The following MYBL2 variants were observed in gnomAD, a reference collection of about 807,000 sequenced individuals.
MYBL2 encodes the protein myb-related protein B.
In MYBL2, 28 loss-of-function variants were observed where a neutral mutation model predicts 79.9. The observed-to-expected ratio is 0.35, with a 90% confidence interval of 0.26 to 0.48. The LOEUF (loss-of-function observed/expected upper bound fraction) is 0.48. Among genes scored for constraint, MYBL2 ranks in the 20% least tolerant of loss-of-function variants. The pLI, the probability that MYBL2 is intolerant of heterozygous loss-of-function variation, is 0.99. For synonymous variants in MYBL2, 378 were observed against 361.2 expected, an observed-to-expected ratio of 1.05 and a Z score of -0.53; for missense variants, 735 against 893.9, an observed-to-expected ratio of 0.82 and a Z score of 2.27.
intron 1 of MYBL2, among the ~76,000 whole-genome samples, chr20:43,667,666 C>T (rs141254779): frequency 8.1e-4 from 124 of 152,254 alleles, no homozygotes; most frequent in African/African-American, 2.6e-3. Context: ...GCGAGGGAGG[C>T]GACCCCTGGG....
chr20:43,710,869 A>G (rs1341653409), intron 10 of MYBL2, among the ~76,000 whole-genome samples: 2 of 152,194 alleles, frequency 1.3e-5, no homozygotes, highest in Non-Finnish European at 2.9e-5. Flanking sequence ...CCTCTGTACT[A>G]AAATATCTGC....
intron 2 of MYBL2, among the ~76,000 whole-genome samples, chr20:43,680,523 ACT>A (rs1447089774): frequency 1.3e-5 from 2 of 151,688 alleles, no homozygotes; most frequent in Non-Finnish European, 2.9e-5. Context: ...ATGGAGTCTC[ACT>A]CTTGCTCTGT....
rs1366337954 is a variant in MYBL2, at chr20:43,672,115, G to A, written c.21-1691G>A. Among the ~76,000 whole-genome samples, 9 of 152,024 alleles carry A rather than the reference G, an allele frequency of 5.9e-5. 1 individual carries two copies. The highest frequency in any genetic ancestry group is 7.4e-5 in the Non-Finnish European group (5 of 68,014). On this transcript the variant is annotated intron_variant, in intron 1 of 13. Transcript: ENST00000217026. ...AATCTCAGCTACTCAGGAGGCTGAG[G>A]CAGGAGAATCGCCTGAACCTGGGGG... is the stretch of plus-strand genomic sequence containing the variant.
At chr20:43,686,260 C>T (rs1175655241) in intron 4 of MYBL2, among the ~76,000 whole-genome samples, 2 of 152,116 alleles carry the variant, frequency 1.3e-5, no homozygotes, top group Non-Finnish European at 1.5e-5. Context: ...CCTGGCCTGG[C>T]TCTTGTGGCT....
chr20:43,677,624 C>T (rs964138325), intron 2 of MYBL2, among the ~76,000 whole-genome samples: 2 of 151,930 alleles, frequency 1.3e-5, no homozygotes, highest in African/African-American at 2.4e-5. Context: ...CCGGCCACCC[C>T]TACTGGGAAG....
chr20:43,710,997 A>G (rs1314671025), intron 10 of MYBL2, among the ~76,000 whole-genome samples: 4 of 152,162 alleles, frequency 2.6e-5, no homozygotes, highest in African/African-American at 7.2e-5. Context: ...TTTCACTCTT[A>G]GTAGCACTCG....
chr20:43,690,936 G>A (rs954664638), intron 5 of MYBL2, among the ~76,000 whole-genome samples: 2 of 152,116 alleles, frequency 1.3e-5, no homozygotes, highest in African/African-American at 2.4e-5. Flanking sequence ...GTACTATCCC[G>A]TCCTTCTGTA....
intron 5 of MYBL2, among the ~76,000 whole-genome samples, chr20:43,688,446 C>T (rs1158868497): frequency 6.6e-6 from 1 of 152,068 alleles, no homozygotes; most frequent in Non-Finnish European, 1.5e-5. Context: ...CTGCCCACCT[C>T]AGCCTCACAA....
At chr20:43,702,059 G>A (rs556560490) in intron 7 of MYBL2, among the ~76,000 whole-genome samples, 90 of 152,146 alleles carry the variant, frequency 5.9e-4, no homozygotes, top group Non-Finnish European at 1.1e-3. Flanking sequence ...CCCGGAAGGC[G>A]GAGGTTGCAG....
At chr20:43,685,577 G>GT (rs1189791324) in intron 4 of MYBL2, among the ~76,000 whole-genome samples, 2 of 152,104 alleles carry the variant, frequency 1.3e-5, no homozygotes, top group African/African-American at 2.4e-5. Flanking sequence ...GGCCAACATG[G>GT]TGAAACCCTG....
rs1435842596 is a variant in MYBL2 at position 43,709,944 on chromosome 20, C to G, written c.1506-19C>G. The G allele has an allele frequency of 1.3e-6, 2 of 1,582,534 alleles. No individual in the cohort carries two copies. Among genetic ancestry groups the G allele is most frequent in the Non-Finnish European group, 1.7e-6 (2 of 1,159,406 alleles). On this transcript the variant is annotated intron_variant, in intron 9 of 13. Transcript: ENST00000217026. ...GGCCCCTATCCTGTCACTAGTTCCC[C>G]CGTTCTGGCCCCTGGCAGGTTTGTA...
chr20:43,703,996 A>G (rs1987726838), intron 8 of MYBL2, among the ~76,000 whole-genome samples: 1 of 152,106 alleles, frequency 6.6e-6, no homozygotes, highest in African/African-American at 2.4e-5. Context: ...TTATTGGATT[A>G]GGGCCCACTC....
rs183493952 is a variant in MYBL2 at position 43,708,947 on chromosome 20, G to A, written c.1506-1016G>A. On this transcript the variant is annotated intron_variant, in intron 9 of 13. Coordinates refer to ENST00000217026, the MANE Select transcript of MYBL2 (RefSeq NM_002466.4). ...AGGGGGATCTCTGTGTGTCCCAGATGGGGGATAACAAGGGTTTGGGAAGAG... is the reference window on the plus strand; with the variant it reads ...AGGGGGATCTCTGTGTGTCCCAGATAGGGGATAACAAGGGTTTGGGAAGAG... 6.7e-3 allele frequency among the ~76,000 whole-genome samples: 1,021 copies of A among 152,322 alleles called. 9 individuals carry two copies. Among genetic ancestry groups the A allele is most frequent in the South Asian group, 0.021 (101 of 4,820 alleles).
intron 2 of MYBL2, among the ~76,000 whole-genome samples, chr20:43,679,906 C>A (rs1987104083): frequency 2.5e-5 from 2 of 79,166 alleles, no homozygotes; most frequent in South Asian, 4.9e-4. Context: ...AAGAGAGACC[C>A]TATCTCAAAA....
chr20:43,712,367 C>T (rs1987927057), intron 11 of MYBL2, among the ~76,000 whole-genome samples: 1 of 152,180 alleles, frequency 6.6e-6, no homozygotes, highest in African/African-American at 2.4e-5. Flanking sequence ...GCTGGCACCC[C>T]ATGTGCACGT....
chr20:43,673,816 G>A lies in MYBL2; in HGVS notation c.31G>A (p.Asp11Asn), dbSNP rs959597219. Residue 11 changes from aspartate (D) to asparagine (N), a missense_variant, in exon 2 of 14, where the codon GAT (aspartate) becomes AAT (asparagine). By Grantham distance (23) the Asp-to-Asn change is conservative (BLOSUM62 1). This residue lies in a region of MYBL2 where 79 missense variants were observed against 86.7 expected (regional missense o/e 0.91). Transcript: ENST00000217026. MSRRTRCEDL[D>N]ELHYQDTDSD... ...CTGCTTTCCCCATAGCGAGGATCTG[G>A]ATGAGCTGCACTACCAGGACACAGA... 1.3e-6 allele frequency: 2 copies of A among 1,565,210 alleles called. No individual in the cohort carries two copies. Among genetic ancestry groups the A allele is most frequent in the African/African-American group, 1.4e-5 (1 of 73,622 alleles).
intron 12 of MYBL2, among the ~76,000 whole-genome samples, chr20:43,714,811 A>T (rs1987990341): frequency 6.6e-6 from 1 of 152,126 alleles, no homozygotes; most frequent in Non-Finnish European, 1.5e-5. Flanking sequence ...TTGTGTTTTT[A>T]GTAGAGACGG....
In MYBL2 at chr20:43,711,749, G is replaced by A. The variant is rs1331662871; in HGVS notation, c.1719+148G>A. The A allele has an allele frequency of 7.4e-6, 5 of 674,358 alleles. No individual in the cohort carries two copies. In the Admixed American group the frequency reaches 8.4e-5, roughly 11 times the overall value. The allele number at this position is 674,358 out of a possible 1,614,324, so 41.8% of individuals were successfully genotyped here. The stretch of plus-strand genomic sequence containing the variant: ...CTTTGCCCCCTTTCGCACGGTGGTT[G>A]TTGAGGAAACTGACAAGATAAGGAC... On this transcript the variant is annotated intron_variant, in intron 11 of 13. Transcript: ENST00000217026.
intron 6 of MYBL2, among the ~76,000 whole-genome samples, chr20:43,693,594 C>G: frequency 6.6e-6 from 1 of 152,108 alleles, no homozygotes; most frequent in Non-Finnish European, 1.5e-5. Flanking sequence ...ACCTGAGCCT[C>G]CCAAAGTGCT....
Sources: allele counts gnomAD v4.1 joint callset (sites outside exome capture counted in the v4.1 genomes callset), GRCh38; gene constraint gnomAD v4.1.1; regional missense constraint gnomAD v4.1.1; transcripts MANE v1.5; gene names NCBI Gene and HGNC (gene_info 2026-07-23, HGNC 2026-07-21).